PCBP3: variants seen among roughly 807,000 people sequenced by gnomAD.
PCBP3 encodes the protein poly(rC)-binding protein 3.
In PCBP3, 25 loss-of-function variants were observed where a neutral mutation model predicts 52.7. The observed-to-expected ratio is 0.47, with a 90% CI of 0.35 to 0.66. PCBP3 has a LOEUF of 0.66. Among genes scored for constraint, PCBP3 ranks in the 30% least tolerant of loss-of-function variants. The probability of loss-of-function intolerance (pLI) is 0.01; values close to 1 mark genes in which losing one functional copy is unlikely to be tolerated. For synonymous variants in PCBP3, 162 were observed against 183.0 expected, an observed-to-expected ratio of 0.89 and a Z score of 0.93; for missense variants, 391 against 490.3, an observed-to-expected ratio of 0.80 and a Z score of 1.91.
chr21:45,886,243 G>A (rs1365773476), intron 5 of PCBP3, among the ~76,000 whole-genome samples: 2 of 77,012 alleles, frequency 2.6e-5, no homozygotes, highest in African/African-American at 9.6e-5. Flanking sequence ...GGCAGAGGAT[G>A]TGGTGAGGTG....
At chr21:45,676,222 C>T (rs546283543) in intron 2 of PCBP3, among the ~76,000 whole-genome samples, 1 of 152,226 alleles carries the variant, frequency 6.6e-6, no homozygotes, top group African/African-American at 2.4e-5. Context: ...CCTGTTACTT[C>T]AAAGGAATTA....
chr21:45,659,561 G>T (rs147239267), intron 1 of PCBP3, among the ~76,000 whole-genome samples: 1 of 151,946 alleles, frequency 6.6e-6, no homozygotes, highest in Admixed American at 6.6e-5. Context: ...ATGTTGCTCA[G>T]ACTGGTCTCG....
intron 4 of PCBP3, among the ~76,000 whole-genome samples, chr21:45,789,762 A>T (rs1341470615): frequency 6.6e-6 from 1 of 152,152 alleles, no homozygotes; most frequent in East Asian, 1.9e-4. Flanking sequence ...CAGAGGTGGG[A>T]CATGCCAGTG....
intron 4 of PCBP3, chr21:45,761,899 C>T (rs748049168): frequency 2.0e-5 from 3 of 152,298 alleles, no homozygotes; most frequent in Non-Finnish European, 2.9e-5. Context: ...CAGCGCAGCT[C>T]CCGTTATCCT....
At chr21:45,900,649 C>A in intron 8 of PCBP3, 26 bp downstream of exon 8, 1 of 1,544,306 alleles carries the variant, frequency 6.5e-7, no homozygotes, top group Non-Finnish European at 8.9e-7. Context: ...CCCCACCTGT[C>A]CGCAGCCATT....
intron 13 of PCBP3, among the ~76,000 whole-genome samples, chr21:45,926,110 A>G (rs2075369982): frequency 6.6e-6 from 1 of 152,266 alleles, no homozygotes; most frequent in Non-Finnish European, 1.5e-5. Context: ...AATTGCAGTC[A>G]TGCACCACAT....
At chr21:45,894,109 C>A in intron 5 of PCBP3, 2 of 866,290 alleles carry the variant, frequency 2.3e-6, no homozygotes, top group Non-Finnish European at 2.8e-6. Context: ...CTGACTGGAG[C>A]AGGGTAGGTC....
chr21:45,745,605 G>A (rs1431517119), intron 3 of PCBP3, among the ~76,000 whole-genome samples: 1 of 152,228 alleles, frequency 6.6e-6, no homozygotes, highest in Non-Finnish European at 1.5e-5. Flanking sequence ...GTGTATCATG[G>A]TATCTGAGAC....
intron 2 of PCBP3, among the ~76,000 whole-genome samples, chr21:45,681,762 T>C (rs906633744): frequency 2.6e-5 from 4 of 152,152 alleles, no homozygotes; most frequent in African/African-American, 9.6e-5. Flanking sequence ...ATACTAACTT[T>C]GTAAGATGAA....
At chr21:45,794,477 A>G (rs763433886) in intron 4 of PCBP3, among the ~76,000 whole-genome samples, 5 of 152,340 alleles carry the variant, frequency 3.3e-5, no homozygotes, top group Non-Finnish European at 7.3e-5. Flanking sequence ...TCACATCTTG[A>G]ACAGGAAAAT....
intron 15 of PCBP3, among the ~76,000 whole-genome samples, chr21:45,935,013 C>A (rs11909664): frequency 0.016 from 2,426 of 152,244 alleles, 71 homozygotes; most frequent in African/African-American, 0.055. Context: ...ATGAAAAAAA[C>A]AAAATGTCCT....
At chr21:45,879,866 A>T (rs2095358876) in intron 5 of PCBP3, among the ~76,000 whole-genome samples, 1 of 152,096 alleles carries the variant, frequency 6.6e-6, no homozygotes, top group African/African-American at 2.4e-5. Context: ...GTCTTCAAAC[A>T]ATAATGTAAG....
chr21:45,837,225 T>C lies in PCBP3; in HGVS notation c.-125-12736T>C, dbSNP rs1179840174. Among the ~76,000 whole-genome samples the C allele has an allele frequency of 6.6e-6, 1 of 152,230 alleles. No homozygotes were observed. The highest frequency in any genetic ancestry group is 6.5e-5 in the Admixed American group (1 of 15,290). ...TGTTTGCCAATGCAGTGAATGTAAA[T>C]AACGTTTCACTGTGGTCTGTATCTC... On this transcript the variant is annotated intron_variant, in intron 4 of 17. Transcript: ENST00000681687. This position sits in a 1 kb window ranked among gnomAD's most constrained non-coding sequence, Gnocchi z 4.1.
chr21:45,710,522 A>G (rs2083763598), intron 2 of PCBP3, among the ~76,000 whole-genome samples: 1 of 152,182 alleles, frequency 6.6e-6, no homozygotes, highest in Non-Finnish European at 1.5e-5. Context: ...TCCATGGTGT[A>G]TATGTGCCAC....
At chr21:45,864,925 G>A (rs544295463) in intron 5 of PCBP3, among the ~76,000 whole-genome samples, 18 of 152,266 alleles carry the variant, frequency 1.2e-4, no homozygotes, top group African/African-American at 3.6e-4. Flanking sequence ...TTTTCTCTGC[G>A]TGAAAGTAAT....
intron 5 of PCBP3, among the ~76,000 whole-genome samples, chr21:45,865,782 G>C (rs1046725052): frequency 1.1e-4 from 16 of 152,334 alleles, no homozygotes; most frequent in Admixed American, 1.0e-3. Flanking sequence ...AGCGGGGACT[G>C]GTGCTGCTTC....
chr21:45,910,896 C>G lies in PCBP3; in HGVS notation c.472-6C>G. On this transcript the variant is annotated splice_region_variant and splice_polypyrimidine_tract_variant and intron_variant, in intron 10 of 17. Transcript: ENST00000681687. ...GGTGCTCCCTTCCAATGTCCCCTCTCTCCAGTCCACAGGTGCCCAGGTGCA... is the reference window on the plus strand; with the variant it reads ...GGTGCTCCCTTCCAATGTCCCCTCTGTCCAGTCCACAGGTGCCCAGGTGCA... 5.0e-6 allele frequency: 8 copies of G among 1,599,510 alleles called. No homozygotes were observed. Among genetic ancestry groups the G allele is most frequent in the Non-Finnish European group, 6.8e-6 (8 of 1,174,244 alleles).
At chr21:45,918,945 A>C (rs577900375) in intron 13 of PCBP3, 15 of 153,678 alleles carry the variant, frequency 9.8e-5, no homozygotes, top group Non-Finnish European at 4.4e-5. Flanking sequence ...AGATACTCTC[A>C]GATCATCCAT....
At chr21:45,759,816 GTC>G (rs2088449206) in intron 4 of PCBP3, 1 of 152,184 alleles carries the variant, frequency 6.6e-6, no homozygotes, top group Non-Finnish European at 1.5e-5. Flanking sequence ...GTGAAATGAA[GTC>G]TATATTTAGA....
Sources: allele counts gnomAD v4.1 joint callset (sites outside exome capture counted in the v4.1 genomes callset), GRCh38; gene constraint gnomAD v4.1.1; non-coding constraint Gnocchi (gnomAD v3.1); transcripts MANE v1.5; gene names NCBI Gene and HGNC (gene_info 2026-07-23, HGNC 2026-07-21).